ADAMTS18: variants seen among roughly 807,000 people sequenced by gnomAD.
The protein encoded by ADAMTS18 is ADAM metallopeptidase with thrombospondin type 1 motif 18.
Under a neutral mutation model 165.9 loss-of-function variants are expected in ADAMTS18, and 157 were observed. That is an observed-to-expected ratio of 0.95 (90% CI 0.83 to 1.08). ADAMTS18 has a LOEUF of 1.08. Among genes scored for constraint, ADAMTS18 ranks in the 50% least tolerant of loss-of-function variants. ADAMTS18 has a pLI of 0.00. For synonymous variants in ADAMTS18, 782 were observed against 578.2 expected (o/e 1.35, Z -5.06); for missense variants, 2,040 against 1,534.0 (o/e 1.33, Z -5.51).
intron 10 of ADAMTS18, among the ~76,000 whole-genome samples, chr16:77,353,301 T>G (rs896882643): frequency 2.0e-5 from 3 of 152,206 alleles, no homozygotes; most frequent in Non-Finnish European, 4.4e-5. Context: ...CTTGAATTTA[T>G]AGACAATATT....
At chr16:77,425,291 G>C (rs1423296797) in intron 3 of ADAMTS18, among the ~76,000 whole-genome samples, 1 of 152,180 alleles carries the variant, frequency 6.6e-6, no homozygotes, top group Non-Finnish European at 1.5e-5. Context: ...GGGAAACCGA[G>C]TGACAAAATT....
In ADAMTS18 at chr16:77,283,713, T is replaced by C. The variant is rs2055192448; in HGVS notation, c.*243A>G. ...TGCATATAACAGTGCAAATCAAAGA[T>C]TTTTTTTAAAGTCAGATTTGTCATC... On this transcript the variant is annotated 3_prime_UTR_variant, in exon 23 of 23. Transcript: ENST00000282849. 2 of 496,164 alleles carry C rather than the reference T, an allele frequency of 4.0e-6. No homozygotes were observed. Among genetic ancestry groups the C allele is most frequent in the Non-Finnish European group, 7.3e-6 (2 of 273,004 alleles). 30.7% of individuals were successfully genotyped at this position (496,164 alleles called of 1,614,324 possible).
At chr16:77,388,615 T>G (rs1484256072) in intron 3 of ADAMTS18, among the ~76,000 whole-genome samples, 2 of 152,328 alleles carry the variant, frequency 1.3e-5, no homozygotes, top group East Asian at 3.9e-4. Flanking sequence ...AGGCTTGCTC[T>G]GAGCACTGAA....
chr16:77,284,285 C>G (rs184703016), intron 22 of ADAMTS18, among the ~76,000 whole-genome samples: 129 of 151,988 alleles, frequency 8.5e-4, no homozygotes, highest in African/African-American at 2.8e-3. Flanking sequence ...GCCACCAAGC[C>G]CAGCTAATTT....
intron 15 of ADAMTS18, 73 bp downstream of exon 15, chr16:77,321,006 T>C (rs1435221793): frequency 8.8e-6 from 14 of 1,589,954 alleles, no homozygotes; most frequent in African/African-American, 2.7e-5. Flanking sequence ...TCAACCACAT[T>C]TGGCGTGACT....
In ADAMTS18 at chr16:77,291,469, T is replaced by C; in HGVS notation, c.3199A>G (p.Thr1067Ala). 3 of 1,614,164 alleles carry C rather than the reference T, an allele frequency of 1.9e-6. No homozygotes were observed. The South Asian group carries it at 3.3e-5, about 18-fold the overall frequency. Residue 1067 changes from threonine (T) to alanine (A), a missense_variant, in exon 21 of 23, where the codon ACC becomes GCC. Coordinates refer to ENST00000282849, the MANE Select transcript of ADAMTS18 (RefSeq NM_199355.4). ...CTCTTCCTCACACCCAAACCACAGG[T>C]TGCAGAACACTAGGAGCCAAGACAG... Reference protein sequence around the residue: ...VASSWSECSATCGLGVRKREM... With the variant: ...VASSWSECSAACGLGVRKREM...
chr16:77,283,959 G>A lies in ADAMTS18; in HGVS notation c.3663C>T (p.Ile1221=), dbSNP rs775738152. The A allele has an allele frequency of 5.0e-6, 8 of 1,612,918 alleles. No homozygotes were observed. The highest frequency in any genetic ancestry group is 6.8e-6 in the Non-Finnish European group (8 of 1,179,152). Reference sequence around the variant, plus strand: ...GGTGCTGGGGAGGACACCAAGATCAGATCTTCCTTGTGCATGACTTGCAGC... The same window carrying A: ...GGTGCTGGGGAGGACACCAAGATCAAATCTTCCTTGTGCATGACTTGCAGC... The part of the protein sequence containing the change: ...KQCCKSCTRK[I] The change falls in exon 23 of 23, where the codon ATC becomes ATT. Residue 1221 remains isoleucine (I), a synonymous_variant. Coordinates refer to ENST00000282849, the MANE Select transcript of ADAMTS18 (RefSeq NM_199355.4).
rs187458911 is a variant in ADAMTS18, at chr16:77,311,891, T to G, written c.2532+7958A>C. Among the ~76,000 whole-genome samples the G allele has an allele frequency of 2.6e-5, 4 of 152,316 alleles. No individual in the cohort carries two copies. In the East Asian group the frequency reaches 7.7e-4, roughly 29 times the overall value. ...TAGAATGAGTGCATAAAGAAAGATT[T>G]TGGAAAACAATAGCCAGGCAAACAT... On this transcript the variant is annotated intron_variant, in intron 16 of 22. Coordinates refer to ENST00000282849, the MANE Select transcript of ADAMTS18 (RefSeq NM_199355.4).
chr16:77,318,838 C>A (rs1405658140), intron 16 of ADAMTS18, among the ~76,000 whole-genome samples: 2 of 151,942 alleles, frequency 1.3e-5, no homozygotes, highest in East Asian at 3.9e-4. Flanking sequence ...CAAACTGAAA[C>A]TTAACATGAC....
rs985936940 is a variant in ADAMTS18 at position 77,399,588 on chromosome 16, A to T, written c.495+31707T>A. On this transcript the variant is annotated intron_variant, in intron 3 of 22. Transcript: ENST00000282849. ...GTATTAGGGTTCTAGAAAGTTGCTTAATCACCCTGACCTTTTGCTGTTTCA... is the reference window on the plus strand; with the variant it reads ...GTATTAGGGTTCTAGAAAGTTGCTTTATCACCCTGACCTTTTGCTGTTTCA... Among the ~76,000 whole-genome samples, 11 of 152,322 alleles carry T rather than the reference A, an allele frequency of 7.2e-5. No individual in the cohort carries two copies. In the East Asian group the frequency reaches 2.1e-3, roughly 29 times the overall value.
chr16:77,432,197 T>C (rs1449894538), intron 2 of ADAMTS18, among the ~76,000 whole-genome samples: 2 of 152,198 alleles, frequency 1.3e-5, no homozygotes, highest in Non-Finnish European at 2.9e-5. Context: ...TTATGTGTGA[T>C]AAGAAAACTC....
At chr16:77,344,353 G>A (rs1056203854) in intron 10 of ADAMTS18, among the ~76,000 whole-genome samples, 4 of 151,798 alleles carry the variant, frequency 2.6e-5, no homozygotes, top group Admixed American at 1.3e-4. Context: ...ACATATTCCC[G>A]TGAACCTGCC....
chr16:77,314,625 A>AAG (rs1555511570), intron 16 of ADAMTS18, among the ~76,000 whole-genome samples: 1 of 132,524 alleles, frequency 7.5e-6, no homozygotes, highest in Non-Finnish European at 1.6e-5. Context: ...AAAAAAAAAA[A>AAG]TGTGTGTGTA....
Position 77,367,421 on chromosome 16 carries a change from G to T in ADAMTS18, c.778+20C>A, listed in dbSNP as rs1191611339. The T allele has an allele frequency of 1.9e-6, 3 of 1,613,958 alleles. No homozygotes were observed. Among genetic ancestry groups the T allele is most frequent in the African/African-American group, 1.3e-5 (1 of 75,022 alleles). ...CGAGGCCCACATAAGAACAGAAAAA[G>T]AAAAAGTTTCCTTACATACATTTCT... On this transcript the variant is annotated intron_variant, in intron 4 of 22. Coordinates refer to ENST00000282849, the MANE Select transcript of ADAMTS18 (RefSeq NM_199355.4).
At position 77,431,731 on chromosome 16, in the gene ADAMTS18, C is replaced by A. The variant is rs946130838; in HGVS notation, c.179-120G>T. The A allele has an allele frequency of 6.8e-6, 7 of 1,031,870 alleles. No homozygotes were observed. The Admixed American group carries it at 1.2e-4, about 18-fold the overall frequency. 63.9% of individuals were successfully genotyped at this position (1,031,870 alleles called of 1,614,324 possible). On this transcript the variant is annotated intron_variant, in intron 2 of 22. Coordinates refer to ENST00000282849, the MANE Select transcript of ADAMTS18 (RefSeq NM_199355.4). ...AGATATCTTTGTTCCTATTGCCTTG[C>A]ACCTAGATCAAATATAATTCAGAGC...
chr16:77,420,259 T>C (rs2057584750), intron 3 of ADAMTS18, among the ~76,000 whole-genome samples: 1 of 152,074 alleles, frequency 6.6e-6, no homozygotes, highest in Non-Finnish European at 1.5e-5. Flanking sequence ...CAAGATCAAA[T>C]AACTAGCATT....
At chr16:77,396,130 A>G (rs1237821343) in intron 3 of ADAMTS18, among the ~76,000 whole-genome samples, 2 of 152,198 alleles carry the variant, frequency 1.3e-5, no homozygotes, top group Non-Finnish European at 2.9e-5. Context: ...CTAGCCATTG[A>G]CGACCAAGCT....
At chr16:77,372,798 T>C (rs1036847790) in intron 3 of ADAMTS18, among the ~76,000 whole-genome samples, 1 of 152,172 alleles carries the variant, frequency 6.6e-6, no homozygotes, top group South Asian at 2.1e-4. Flanking sequence ...GCGTCTCTTA[T>C]TTGGACACTT....
chr16:77,298,522 T>C (rs1232469568), intron 17 of ADAMTS18, among the ~76,000 whole-genome samples: 1 of 152,142 alleles, frequency 6.6e-6, no homozygotes, highest in African/African-American at 2.4e-5. Context: ...CCGGGCACGA[T>C]GGCTCACACT....
Sources: allele counts gnomAD v4.1 joint callset (sites outside exome capture counted in the v4.1 genomes callset), GRCh38; gene constraint gnomAD v4.1.1; transcripts MANE v1.5; gene names NCBI Gene and HGNC (gene_info 2026-07-23, HGNC 2026-07-21).